Variants in ATP10A observed in about 807,000 individuals in gnomAD.
ATP10A encodes phospholipid-transporting ATPase VA.
A neutral mutation model predicts 147.8 loss-of-function variants in ATP10A; 111 were observed. The observed-to-expected ratio is 0.75, with a 90% CI of 0.64 to 0.88. The LOEUF (loss-of-function observed/expected upper bound fraction) is 0.88. Among genes scored for constraint, ATP10A ranks in the 40% least tolerant of loss-of-function variants. The probability of loss-of-function intolerance (pLI) is 0.00; values close to 1 mark genes in which losing one functional copy is unlikely to be tolerated. For synonymous variants in ATP10A, 875 were observed against 841.6 expected (o/e 1.04, Z -0.69); for missense variants, 1,927 against 1,959.0 (o/e 0.98, Z 0.31).
intron 1 of ATP10A, among the ~76,000 whole-genome samples, chr15:25,786,777 C>G (rs568517672): frequency 2.0e-5 from 3 of 149,564 alleles, no homozygotes; most frequent in East Asian, 2.0e-4. Flanking sequence ...AGGCGCCCAC[C>G]ACCATGCCCA....
At position 25,683,398 on chromosome 15, in the gene ATP10A, T is replaced by C. The variant is rs770063361; in HGVS notation, c.3380A>G (p.Asn1127Ser). 1.2e-6 allele frequency: 2 copies of C among 1,613,932 alleles called. No individual in the cohort carries two copies. Among genetic ancestry groups the C allele is most frequent in the Non-Finnish European group, 1.7e-6 (2 of 1,179,992 alleles). The change falls in exon 17 of 21, where the codon AAT becomes AGT. Residue 1127 changes from asparagine to serine, a missense_variant. Asn to Ser is a conservative substitution (Grantham distance 46, BLOSUM62 1). Coordinates refer to ENST00000555815, the MANE Select transcript of ATP10A (RefSeq NM_024490.4). ...MIDQWYLIFF[N>S]LLFSSLPPLV... is the part of the protein sequence containing the mutation. ...CGGGGGAAGTGACGAGAAGAGCAGA[T>C]TAAAGAAGATTAGATACCACTGGTC... is the stretch of plus-strand genomic sequence containing the variant.
At chr15:25,688,017 A>C in intron 15 of ATP10A, 189 bp from the exon 16 acceptor site, 2 of 702,942 alleles carry the variant, frequency 2.8e-6, no homozygotes, top group Non-Finnish European at 2.5e-6. Context: ...AAAAGAGGCA[A>C]TCTCACCCAA....
intron 3 of ATP10A, 112 bp downstream of exon 3, chr15:25,735,944 C>G: frequency 2.0e-6 from 2 of 981,914 alleles, no homozygotes; most frequent in Admixed American, 3.9e-5. Context: ...CAAACAGCTA[C>G]ACCATGTGGC....
At chr15:25,813,673 G>T (rs1891525768) in intron 1 of ATP10A, among the ~76,000 whole-genome samples, 1 of 152,096 alleles carries the variant, frequency 6.6e-6, no homozygotes, top group Non-Finnish European at 1.5e-5. Flanking sequence ...TAGAGACATG[G>T]AATGGATTAA....
chr15:25,707,280 C>T (rs888112825), intron 12 of ATP10A, among the ~76,000 whole-genome samples: 7 of 152,066 alleles, frequency 4.6e-5, no homozygotes, highest in Non-Finnish European at 2.9e-5. Flanking sequence ...TGAAGATGAC[C>T]TGCCCAGGGC....
At chr15:25,814,880 C>T (rs1891584053) in intron 1 of ATP10A, among the ~76,000 whole-genome samples, 1 of 152,144 alleles carries the variant, frequency 6.6e-6, no homozygotes, top group African/African-American at 2.4e-5. Context: ...CTTGTCACAG[C>T]CTGGCACCAA....
chr15:25,807,348 A>G (rs1381610622), intron 1 of ATP10A, among the ~76,000 whole-genome samples: 4 of 152,230 alleles, frequency 2.6e-5, no homozygotes, highest in Non-Finnish European at 5.9e-5. Flanking sequence ...GCTTCAGGCC[A>G]TCTGCCTCTG....
At chr15:25,751,464 G>A (rs1230733461) in intron 2 of ATP10A, among the ~76,000 whole-genome samples, 2 of 152,050 alleles carry the variant, frequency 1.3e-5, no homozygotes, top group Admixed American at 6.5e-5. Flanking sequence ...CAGAATGCAC[G>A]TTATTCTCAA....
chr15:25,817,117 C>T (rs1216674792), intron 1 of ATP10A, among the ~76,000 whole-genome samples: 1 of 151,918 alleles, frequency 6.6e-6, no homozygotes, highest in Non-Finnish European at 1.5e-5. Context: ...GAGTCTCGCT[C>T]TGTCACCCAG....
At chr15:25,773,652 C>T (rs920609630) in intron 2 of ATP10A, among the ~76,000 whole-genome samples, 4 of 152,158 alleles carry the variant, frequency 2.6e-5, no homozygotes, top group Non-Finnish European at 4.4e-5. Context: ...AACATTTATC[C>T]TCTCCTAAAT....
At chr15:25,820,231 C>CA (rs1438864453) in intron 1 of ATP10A, among the ~76,000 whole-genome samples, 1 of 152,046 alleles carries the variant, frequency 6.6e-6, no homozygotes, top group East Asian at 1.9e-4. Context: ...ATAACTAGCT[C>CA]AAAAATCTGG....
At chr15:25,759,943 A>G (rs1238555275) in intron 2 of ATP10A, among the ~76,000 whole-genome samples, 1 of 151,028 alleles carries the variant, frequency 6.6e-6, no homozygotes, top group Admixed American at 6.6e-5. Context: ...TTTCACAGTG[A>G]TCTGTGTTCC....
intron 1 of ATP10A, among the ~76,000 whole-genome samples, chr15:25,783,475 G>A (rs901869020): frequency 2.2e-5 from 2 of 91,768 alleles, no homozygotes; most frequent in African/African-American, 7.3e-5. Context: ...TGGATTTGAG[G>A]GACCCCCCCC....
At chr15:25,805,141 A>AC (rs1225550334) in intron 1 of ATP10A, among the ~76,000 whole-genome samples, 1 of 152,136 alleles carries the variant, frequency 6.6e-6, no homozygotes, top group Non-Finnish European at 1.5e-5. Flanking sequence ...AGCCTATGGG[A>AC]CCCCTGTCTG....
At chr15:25,769,749 G>A (rs1262213824) in intron 2 of ATP10A, among the ~76,000 whole-genome samples, 3 of 152,062 alleles carry the variant, frequency 2.0e-5, no homozygotes, top group Admixed American at 6.6e-5. Context: ...CAGGAATGGC[G>A]GTTACTTTCA....
intron 1 of ATP10A, among the ~76,000 whole-genome samples, chr15:25,783,665 G>T (rs1424017231): frequency 6.6e-6 from 1 of 152,224 alleles, no homozygotes; most frequent in Non-Finnish European, 1.5e-5. Flanking sequence ...TACATTAGAT[G>T]ATGCGGTTCT....
At chr15:25,738,718 C>T (rs559234535) in intron 2 of ATP10A, 2 of 152,168 alleles carry the variant, frequency 1.3e-5, no homozygotes, top group Non-Finnish European at 2.9e-5. Context: ...AAGTCTCCCT[C>T]GCCAGTAATT....
At chr15:25,791,333 T>C (rs1890414264) in intron 1 of ATP10A, among the ~76,000 whole-genome samples, 1 of 152,140 alleles carries the variant, frequency 6.6e-6, no homozygotes, top group Non-Finnish European at 1.5e-5. Flanking sequence ...CTCTGCATGT[T>C]TCCCCTTCAA....
intron 1 of ATP10A, among the ~76,000 whole-genome samples, chr15:25,855,592 C>T (rs1045824686): frequency 1.9e-4 from 28 of 145,600 alleles, no homozygotes; most frequent in African/African-American, 7.2e-4. Flanking sequence ...AAACAGCTAG[C>T]ATCATACTTA....
Sources: allele counts gnomAD v4.1 joint callset (sites outside exome capture counted in the v4.1 genomes callset), GRCh38; gene constraint gnomAD v4.1.1; transcripts MANE v1.5; gene names NCBI Gene and HGNC (gene_info 2026-07-23, HGNC 2026-07-21).